The following DENND2B variants were observed in gnomAD, a reference collection of about 807,000 sequenced individuals.
DENND2B encodes the protein DENN domain containing 2B.
A neutral mutation model predicts 116.0 loss-of-function variants in DENND2B; 32 were observed. The observed-to-expected ratio is 0.28, with a 90% confidence interval of 0.21 to 0.37. DENND2B has a LOEUF of 0.37. DENND2B is among the 10% of genes least tolerant of loss of function. The pLI is 1.00. For synonymous variants in DENND2B, 588 were observed against 583.9 expected (o/e 1.01, Z -0.10); for missense variants, 1,276 against 1,477.7 (o/e 0.86, Z 2.24).
intron 2 of DENND2B, among the ~76,000 whole-genome samples, chr11:8,880,486 CAAT>C (rs2063893230): frequency 1.3e-5 from 2 of 152,044 alleles, no homozygotes; most frequent in African/African-American, 4.8e-5. Context: ...CATTTTCTGA[CAAT>C]AATTCAGTTT....
chr11:8,857,323 T>C (rs1594262881), intron 3 of DENND2B: 1 of 152,332 alleles, frequency 6.6e-6, no homozygotes. Flanking sequence ...AAAATGATAC[T>C]AGGCCCTTAG....
chr11:8,837,791 G>C (rs1053308384), intron 4 of DENND2B, among the ~76,000 whole-genome samples: 1 of 152,196 alleles, frequency 6.6e-6, no homozygotes, highest in Non-Finnish European at 1.5e-5. Context: ...GTAGAGCTTG[G>C]ACATGTTAGC....
chr11:8,744,148 T>TG (rs751716171), intron 2 of DENND2B, among the ~76,000 whole-genome samples: 4 of 149,302 alleles, frequency 2.7e-5, no homozygotes, highest in South Asian at 2.1e-4. Flanking sequence ...TTTTTTTTTT[T>TG]GGGGGACAGA....
intron 1 of DENND2B, among the ~76,000 whole-genome samples, chr11:8,901,377 A>T (rs1181879147): frequency 1.3e-5 from 2 of 151,116 alleles, no homozygotes; most frequent in Non-Finnish European, 3.0e-5. Flanking sequence ...TTACAGGTGC[A>T]TGCCACCACA....
chr11:8,752,388 G>A (rs1397968085), intron 1 of DENND2B, among the ~76,000 whole-genome samples: 1 of 151,864 alleles, frequency 6.6e-6, no homozygotes, highest in Non-Finnish European at 1.5e-5. Context: ...GGAGGAGGAG[G>A]TTGCAGTGAG....
chr11:8,806,685 G>A (rs1344981815), intron 1 of DENND2B, among the ~76,000 whole-genome samples: 1 of 146,696 alleles, frequency 6.8e-6, no homozygotes, highest in Non-Finnish European at 1.5e-5. Context: ...GAGAGCTCAG[G>A]TGTTTCTATC....
At chr11:8,754,029 G>GCACACACACACACACACA (rs60488372) in intron 1 of DENND2B, among the ~76,000 whole-genome samples, 76 of 138,818 alleles carry the variant, frequency 5.5e-4, no homozygotes, top group East Asian at 3.2e-3. Context: ...CCAAAAGCGC[G>GCACACACACACACACACA]CACACACACA....
At chr11:8,773,146 C>G (rs1309805320) in intron 1 of DENND2B, among the ~76,000 whole-genome samples, 1 of 152,184 alleles carries the variant, frequency 6.6e-6, no homozygotes, top group Non-Finnish European at 1.5e-5. Flanking sequence ...AGCCCATTCA[C>G]ACCCAGAGCC....
intron 1 of DENND2B, among the ~76,000 whole-genome samples, chr11:8,801,581 A>T (rs1300675732): frequency 1.3e-5 from 2 of 151,908 alleles, no homozygotes; most frequent in East Asian, 3.9e-4. Context: ...GTAGGCTGAG[A>T]CAGGAGAATT....
At chr11:8,719,293 C>T in intron 4 of DENND2B, 4 of 945,908 alleles carry the variant, frequency 4.2e-6, no homozygotes, top group Non-Finnish European at 5.0e-6. Flanking sequence ...TTATGCAGAA[C>T]CACAACGAAT....
intron 3 of DENND2B, among the ~76,000 whole-genome samples, chr11:8,842,569 T>C (rs1243632021): frequency 2.0e-5 from 3 of 152,192 alleles, no homozygotes; most frequent in Non-Finnish European, 4.4e-5. Context: ...TGGTTTCCTT[T>C]TGGAGTGCAT....
chr11:8,836,570 C>T (rs1477504668), intron 4 of DENND2B, among the ~76,000 whole-genome samples: 3 of 151,832 alleles, frequency 2.0e-5, no homozygotes, highest in Non-Finnish European at 2.9e-5. Context: ...TACAGGCATT[C>T]GCCACCATAC....
intron 1 of DENND2B, among the ~76,000 whole-genome samples, chr11:8,896,437 G>A (rs968343884): frequency 6.6e-6 from 1 of 152,240 alleles, no homozygotes; most frequent in East Asian, 1.9e-4. Context: ...GATCTGTCGG[G>A]AAATACTGTG....
chr11:8,729,020 G>A (rs1161645111), intron 3 of DENND2B, among the ~76,000 whole-genome samples: 1 of 152,218 alleles, frequency 6.6e-6, no homozygotes, highest in East Asian at 1.9e-4. Flanking sequence ...TCGGGGGTCT[G>A]AATCTTTGAA....
At chr11:8,799,337 T>C (rs2134396583) in intron 1 of DENND2B, among the ~76,000 whole-genome samples, 1 of 152,256 alleles carries the variant, frequency 6.6e-6, no homozygotes, top group East Asian at 1.9e-4. Context: ...TCCATTTATG[T>C]TTCAACCCAA....
At position 8,860,380 on chromosome 11, in the gene DENND2B, A is replaced by G. The variant is rs146914865; in HGVS notation, c.-249-2944T>C. Among the ~76,000 whole-genome samples the G allele has an allele frequency of 7.0e-3, 1,067 of 152,330 alleles. 10 individuals are homozygous for G. The highest frequency in any genetic ancestry group is 0.025 in the Admixed American group (387 of 15,298). ...ACAAAATCAACGTACACAAATCAGT[A>G]GCACTGCTATATACCAACAACCACC... On this transcript the variant is annotated intron_variant, in intron 2 of 6. Coordinates refer to the DENND2B transcript ENST00000524757.
chr11:8,899,626 G>C (rs2064140746), intron 1 of DENND2B, among the ~76,000 whole-genome samples: 1 of 152,080 alleles, frequency 6.6e-6, no homozygotes, highest in Admixed American at 6.6e-5. Flanking sequence ...TAAATGTGAA[G>C]GTGAAATAAA....
chr11:8,893,921 A>G (rs2134747579), intron 1 of DENND2B, among the ~76,000 whole-genome samples: 1 of 152,194 alleles, frequency 6.6e-6, no homozygotes, highest in South Asian at 2.1e-4. Flanking sequence ...TGGAACCAAA[A>G]AAGAGCCCAC....
At chr11:8,762,422 CTGGCCTTCCCAGTG>C (rs2054835555) in intron 1 of DENND2B, among the ~76,000 whole-genome samples, 1 of 152,224 alleles carries the variant, frequency 6.6e-6, no homozygotes, top group Non-Finnish European at 1.5e-5. Context: ...CTAGTTACCT[CTGGCCTTCCCAGTG>C]AAGGGTCTGA....
Sources: allele counts gnomAD v4.1 joint callset (sites outside exome capture counted in the v4.1 genomes callset), GRCh38; gene constraint gnomAD v4.1.1; transcripts MANE v1.5; gene names NCBI Gene and HGNC (gene_info 2026-07-23, HGNC 2026-07-21).